Variants in PLB1 observed in about 807,000 individuals in gnomAD.
PLB1 encodes the protein phospholipase B1, membrane-associated.
A neutral mutation model predicts 227.4 loss-of-function variants in PLB1; 242 were observed. The ratio of observed to expected loss-of-function variants is 1.06; its 90% CI spans 0.96 to 1.18. The LOEUF is 1.18. Among genes scored for constraint, PLB1 ranks in the 50% most tolerant of loss-of-function variants. PLB1 has a pLI of 0.00. For synonymous variants in PLB1, 757 were observed against 682.2 expected (o/e 1.11, Z -1.71); for missense variants, 1,858 against 1,816.3 (o/e 1.02, Z -0.42).
chr2:28,529,431 C>G, intron 7 of PLB1, 24 bp downstream of exon 7: 1 of 1,545,612 alleles, frequency 6.5e-7, no homozygotes, highest in Non-Finnish European at 8.9e-7. Flanking sequence ...CTGTCTCTCT[C>G]TGAGGTTATG....
In PLB1 at chr2:28,635,398, A is replaced by G. The variant is rs1160063589; in HGVS notation, c.4098+2359A>G. Among the ~76,000 whole-genome samples the G allele has an allele frequency of 4.6e-5, 7 of 152,346 alleles. No homozygotes were observed. The East Asian group carries it at 7.7e-4, about 17-fold the overall frequency. On this transcript the variant is annotated intron_variant, in intron 56 of 57. Transcript: ENST00000327757. ...AACATTCTGTAACTAAAGCATAGAA[A>G]CATGAAGCAGTTTGCCCAACATAAC... is the stretch of plus-strand genomic sequence containing the variant.
intron 33 of PLB1, chr2:28,594,783 T>G (rs768681020): frequency 6.6e-6 from 1 of 152,032 alleles, no homozygotes; most frequent in Non-Finnish European, 1.5e-5. Flanking sequence ...TTTCCACAAG[T>G]CCTTGGTCAG....
At chr2:28,635,528 G>A (rs1301448455) in intron 56 of PLB1, among the ~76,000 whole-genome samples, 1 of 135,918 alleles carries the variant, frequency 7.4e-6, no homozygotes. Context: ...AACCTGATAA[G>A]CACATATATA....
At chr2:28,529,544 C>A in intron 7 of PLB1, 137 bp downstream of exon 7, 1 of 948,322 alleles carries the variant, frequency 1.1e-6, no homozygotes, top group East Asian at 2.6e-5. Context: ...CAAATGCCCC[C>A]TCAAGCTGAT....
chr2:28,537,122 G>A (rs1195391048), intron 9 of PLB1, among the ~76,000 whole-genome samples: 1 of 152,088 alleles, frequency 6.6e-6, no homozygotes, highest in Non-Finnish European at 1.5e-5. Flanking sequence ...TGGCTGACCC[G>A]GCCTCCCAGA....
At chr2:28,558,508 C>A (rs915068655) in intron 17 of PLB1, among the ~76,000 whole-genome samples, 1 of 152,150 alleles carries the variant, frequency 6.6e-6, no homozygotes, top group Non-Finnish European at 1.5e-5. Flanking sequence ...GAGAAGAGGT[C>A]ATTTTAAAGT....
At chr2:28,598,629 A>C in intron 34 of PLB1, 23 bp from the exon 35 acceptor site, 1 of 1,583,822 alleles carries the variant, frequency 6.3e-7, no homozygotes, top group Non-Finnish European at 8.7e-7. Context: ...AGCCGTCTGC[A>C]TCCCATTCAC....
chr2:28,555,353 G>T (rs1674909758), intron 17 of PLB1, among the ~76,000 whole-genome samples: 1 of 152,040 alleles, frequency 6.6e-6, no homozygotes, highest in South Asian at 2.1e-4. Flanking sequence ...TGTTGGCCAG[G>T]CTGGTCTTGA....
intron 14 of PLB1, among the ~76,000 whole-genome samples, chr2:28,548,327 T>C (rs1377090740): frequency 2.6e-5 from 4 of 152,212 alleles, no homozygotes; most frequent in African/African-American, 9.7e-5. Flanking sequence ...TTGCCCTTCC[T>C]TCCCATACTG....
At chr2:28,637,021 C>T (rs1689440232) in intron 56 of PLB1, among the ~76,000 whole-genome samples, 1 of 152,126 alleles carries the variant, frequency 6.6e-6, no homozygotes, top group South Asian at 2.1e-4. Context: ...AGGCCGGGTA[C>T]AGTGGCTCAC....
rs748596117 is a variant in PLB1 at position 28,589,506 on chromosome 2, T to G, written c.1872T>G (p.Thr624=). Reference sequence around the variant, plus strand: ...GATATGACACAAGGGAAGATTTTACTGTGGTTGTGCAGCCGTTCTTTGAAA... The same window carrying G: ...GATATGACACAAGGGAAGATTTTACGGTGGTTGTGCAGCCGTTCTTTGAAA... ...SGRYDTREDF[T]VVVQPFFENV... The change falls in exon 27 of 58, where the codon ACT becomes ACG. Residue 624 remains threonine (T), a synonymous_variant. Coordinates refer to ENST00000327757, the MANE Select transcript of PLB1 (RefSeq NM_153021.5). The G allele has an allele frequency of 1.2e-6, 2 of 1,614,202 alleles. No individual in the cohort carries two copies. The highest frequency in any genetic ancestry group is 1.7e-6 in the Non-Finnish European group (2 of 1,180,040).
At chr2:28,620,765 G>A (rs985891049) in intron 48 of PLB1, 114 bp from the exon 49 acceptor site, 213 of 1,519,282 alleles carry the variant, frequency 1.4e-4, no homozygotes, top group Non-Finnish European at 1.7e-4. Flanking sequence ...GCCCTGAAAA[G>A]CCCCAGAACT....
At chr2:28,597,442 A>T (rs1387758316) in intron 33 of PLB1, among the ~76,000 whole-genome samples, 2 of 152,194 alleles carry the variant, frequency 1.3e-5, no homozygotes, top group Non-Finnish European at 2.9e-5. Context: ...GCATAAAAGG[A>T]AACAAAATAG....
At chr2:28,628,505 T>G (rs1378574304) in intron 51 of PLB1, 58 bp from the exon 52 acceptor site, 1 of 1,513,584 alleles carries the variant, frequency 6.6e-7, no homozygotes, top group African/African-American at 1.4e-5. Flanking sequence ...CCTATGCTCT[T>G]GCCATTCTCT....
chr2:28,594,022 G>A, intron 33 of PLB1: 2 of 718,870 alleles, frequency 2.8e-6, no homozygotes, highest in East Asian at 2.8e-5. Flanking sequence ...AAATCCAACA[G>A]GAAATGCACC....
chr2:28,604,189 C>A, intron 40 of PLB1, 142 bp downstream of exon 40: 1 of 748,002 alleles, frequency 1.3e-6, no homozygotes, highest in Non-Finnish European at 2.3e-6. Flanking sequence ...TGGGTGCCTT[C>A]CTCTGTCTCA....
rs150563143 is a variant in PLB1 at position 28,580,804 on chromosome 2, C to T, written c.1566+1097C>T. The stretch of plus-strand genomic sequence containing the variant: ...TTACACAGAGCAGGAGACTTTCCAG[C>T]TCAGGCTTGAAGATGAGGAGGTTTG... On this transcript the variant is annotated intron_variant, in intron 23 of 57. Transcript: ENST00000327757. Among the ~76,000 whole-genome samples, 7 of 151,844 alleles carry T rather than the reference C, an allele frequency of 4.6e-5. No individual in the cohort carries two copies. The South Asian group carries it at 6.2e-4, about 14-fold the overall frequency.
chr2:28,541,643 G>C (rs2148208735), intron 12 of PLB1, 64 bp from the exon 13 acceptor site: 2 of 1,277,954 alleles, frequency 1.6e-6, no homozygotes, highest in Middle Eastern at 3.7e-4. Flanking sequence ...GATTTGGTCA[G>C]GTCTGGGGCC....
chr2:28,618,491 C>A, intron 46 of PLB1, 92 bp downstream of exon 46: 1 of 1,329,002 alleles, frequency 7.5e-7, no homozygotes, highest in Non-Finnish European at 1.1e-6. Context: ...GCTCCGCTTT[C>A]AGTGCTGAGC....
Sources: gnomAD v4.1 joint callset for allele counts (sites outside exome capture counted in the v4.1 genomes callset) on GRCh38, gnomAD v4.1.1 for gene constraint, MANE v1.5 for transcripts, NCBI Gene and HGNC (gene_info 2026-07-23, HGNC 2026-07-21) for gene names.